Variants in KCNIP3 observed in about 807,000 individuals in gnomAD.
KCNIP3 encodes the protein calsenilin.
A neutral mutation model predicts 35.0 loss-of-function variants in KCNIP3; 28 were observed. The ratio of observed to expected loss-of-function variants is 0.80; its 90% CI spans 0.59 to 1.10. KCNIP3 has a LOEUF of 1.10. Ranked by LOEUF, KCNIP3 falls within the 50% of genes least tolerant of loss-of-function variation. KCNIP3 has a pLI of 0.00. For synonymous variants in KCNIP3, 134 were observed against 133.8 expected (o/e 1.00, Z -0.01); for missense variants, 295 against 338.4 (o/e 0.87, Z 1.01).
chr2:95,345,240 C>T (rs1253479519), intron 2 of KCNIP3, among the ~76,000 whole-genome samples: 1 of 152,266 alleles, frequency 6.6e-6, no homozygotes, highest in Non-Finnish European at 1.5e-5. Flanking sequence ...GTCCCCGCTC[C>T]GGACTCCAGC....
chr2:95,378,733 A>G lies in KCNIP3; in HGVS notation c.448-2863A>G, dbSNP rs772413012. ...CTGTACTCCATCCAGCCTGGGTGAC[A>G]GAGTGAGACTCAATCTCAAAAACAA... On this transcript the variant is annotated intron_variant, in intron 5 of 8. Transcript: ENST00000295225. This position sits in a 1 kb window ranked among gnomAD's most constrained non-coding sequence, Gnocchi z 4.0. Among the ~76,000 whole-genome samples, 4 of 151,672 alleles carry G rather than the reference A, an allele frequency of 2.6e-5. No individual in the cohort carries two copies. Among genetic ancestry groups the G allele is most frequent in the Admixed American group, 6.6e-5 (1 of 15,178 alleles).
At position 95,382,532 on chromosome 2, in the gene KCNIP3, G is replaced by T. The variant is rs756156198; in HGVS notation, c.660+51G>T. 102 of 1,410,830 alleles carry T rather than the reference G, an allele frequency of 7.2e-5. No homozygotes were observed. The Admixed American group carries it at 2.0e-3, about 28-fold the overall frequency. The allele number at this position is 1,410,830 out of a possible 1,614,324, so 87.4% of individuals were successfully genotyped here. ...GGAGGGGAGCCTGGCAGAGGAAGGG[G>T]CTCTCGCTTTTGGGGCCACCCCGGG... On this transcript the variant is annotated intron_variant, in intron 7 of 8. Transcript: ENST00000295225. This position sits in a 1 kb window ranked among gnomAD's most constrained non-coding sequence, Gnocchi z 4.5.
At chr2:95,327,427 G>A (rs537426296) in intron 2 of KCNIP3, among the ~76,000 whole-genome samples, 1 of 152,082 alleles carries the variant, frequency 6.6e-6, no homozygotes, top group South Asian at 2.1e-4. Flanking sequence ...ACTCACACAT[G>A]CACACACGTA....
intron 2 of KCNIP3, among the ~76,000 whole-genome samples, chr2:95,369,712 C>T (rs766685630): frequency 5.3e-5 from 8 of 151,988 alleles, no homozygotes; most frequent in Middle Eastern, 3.4e-3. Context: ...CTCACTGCAG[C>T]GTCAATCTCC....
intron 2 of KCNIP3, among the ~76,000 whole-genome samples, chr2:95,352,581 C>G (rs1679554874): frequency 1.3e-5 from 2 of 152,224 alleles, no homozygotes; most frequent in South Asian, 2.1e-4. Context: ...CTCCAGCCCT[C>G]TCTCCCTCCC....
intron 2 of KCNIP3, among the ~76,000 whole-genome samples, chr2:95,335,789 C>G (rs967619982): frequency 6.6e-6 from 1 of 152,118 alleles, no homozygotes; most frequent in African/African-American, 2.4e-5. Flanking sequence ...TTCTCTCTCT[C>G]CTTTTCTTCT....
At chr2:95,381,501 T>TAG (rs1192607526) in intron 5 of KCNIP3, 95 bp from the exon 6 acceptor site, 1 of 847,954 alleles carries the variant, frequency 1.2e-6, no homozygotes. Flanking sequence ...CTGTGCCTGT[T>TAG]GGAGGCGTGA....
intron 2 of KCNIP3, among the ~76,000 whole-genome samples, chr2:95,325,330 G>A (rs778481160): frequency 6.6e-5 from 10 of 152,168 alleles, no homozygotes; most frequent in Non-Finnish European, 7.4e-5. Context: ...AGTGCTGGCC[G>A]CAGCTCAGCC....
At position 95,314,837 on chromosome 2, in the gene KCNIP3, G is replaced by A. The variant is rs188475828; in HGVS notation, c.181+4317G>A. 1.9e-3 allele frequency among the ~76,000 whole-genome samples: 287 copies of A among 152,370 alleles called. 2 individuals carry two copies. The highest frequency in any genetic ancestry group is 2.7e-3 in the Non-Finnish European group (184 of 68,040). On this transcript the variant is annotated intron_variant, in intron 2 of 8. Coordinates refer to ENST00000295225, the MANE Select transcript of KCNIP3 (RefSeq NM_013434.5). ...GGTGCGGTGAGCAGGCACTGGATGA[G>A]GGAGGGGCCTTTGCGTGTTTTCCCG... is the stretch of plus-strand genomic sequence containing the variant.
At chr2:95,383,147 A>G in intron 7 of KCNIP3, 85 bp from the exon 8 acceptor site, 8 of 322,252 alleles carry the variant, frequency 2.5e-5, no homozygotes, top group Non-Finnish European at 3.6e-5. Flanking sequence ...CCATCCACCC[A>G]CCCATGACTT....
chr2:95,319,651 A>G (rs1336956280), intron 2 of KCNIP3, among the ~76,000 whole-genome samples: 4 of 152,154 alleles, frequency 2.6e-5, no homozygotes, highest in Admixed American at 1.3e-4. Context: ...CTAGAGCGAT[A>G]GTGCCTCCTC....
intron 2 of KCNIP3, among the ~76,000 whole-genome samples, chr2:95,332,495 C>T (rs1678956990): frequency 6.6e-6 from 1 of 152,234 alleles, no homozygotes; most frequent in African/African-American, 2.4e-5. Context: ...GAGGAGAGTT[C>T]AGCATGCTCA....
intron 2 of KCNIP3, among the ~76,000 whole-genome samples, chr2:95,314,911 G>C (rs1678413881): frequency 1.3e-5 from 2 of 152,182 alleles, no homozygotes; most frequent in African/African-American, 4.8e-5. Context: ...ACATCCAGCA[G>C]TGTCACTGGC....
At chr2:95,351,246 G>A (rs751190746) in intron 2 of KCNIP3, among the ~76,000 whole-genome samples, 10 of 152,254 alleles carry the variant, frequency 6.6e-5, no homozygotes, top group Non-Finnish European at 1.2e-4. Flanking sequence ...TGGAGCCATC[G>A]GAAGGTCCTG....
intron 2 of KCNIP3, among the ~76,000 whole-genome samples, chr2:95,348,955 G>T (rs540543868): frequency 1.5e-4 from 23 of 152,316 alleles, no homozygotes; most frequent in Middle Eastern, 3.4e-3. Context: ...GAACCAGTCA[G>T]TGGGGCTTGC....
chr2:95,381,673 C>G lies in KCNIP3; in HGVS notation c.525C>G (p.Asp175Glu). 6.2e-7 allele frequency: 1 copy of G among 1,613,916 alleles called. No homozygotes were observed. Among genetic ancestry groups the G allele is most frequent in the Middle Eastern group, 1.7e-4 (1 of 6,054 alleles). ...TCAAGTGGGCCTTTAATCTCTACGA[C>G]ATTAACAAGGATGGCTACATCACCA... The part of the protein sequence containing the change: ...EKLKWAFNLY[D>E]INKDGYITKE... Residue 175 changes from aspartate (D) to glutamate (E), a missense_variant, in exon 6 of 9, where the codon GAC becomes GAG. Coordinates refer to ENST00000295225, the MANE Select transcript of KCNIP3 (RefSeq NM_013434.5).
intron 3 of KCNIP3, 75 bp from the exon 4 acceptor site, chr2:95,374,773 C>T (rs756188023): frequency 3.9e-6 from 6 of 1,533,790 alleles, no homozygotes; most frequent in Non-Finnish European, 5.4e-6. Flanking sequence ...TGGAGAGAGG[C>T]CAGCCAGGCA....
intron 5 of KCNIP3, among the ~76,000 whole-genome samples, 194 bp downstream of exon 5, chr2:95,375,402 C>T (rs1410056564): frequency 6.6e-6 from 1 of 151,928 alleles, no homozygotes; most frequent in South Asian, 2.1e-4. Flanking sequence ...CTTTGCTGGG[C>T]CGGCACCACG....
intron 2 of KCNIP3, among the ~76,000 whole-genome samples, chr2:95,354,577 C>T (rs1169733161): frequency 6.6e-6 from 1 of 152,188 alleles, no homozygotes; most frequent in Non-Finnish European, 1.5e-5. Flanking sequence ...GTCTGGCCCA[C>T]TGCCCTTGCT....
Sources: gnomAD v4.1 joint callset for allele counts (sites outside exome capture counted in the v4.1 genomes callset) on GRCh38, gnomAD v4.1.1 for gene constraint, Gnocchi (gnomAD v3.1) non-coding constraint, MANE v1.5 for transcripts, NCBI Gene and HGNC (gene_info 2026-07-23, HGNC 2026-07-21) for gene names.